Variants in RPS6KC1 observed in about 807,000 individuals in gnomAD.
RPS6KC1 encodes the protein inactive ribosomal protein S6 kinase delta-1.
Under a neutral mutation model 103.8 loss-of-function variants are expected in RPS6KC1, and 54 were observed. That is an observed-to-expected ratio of 0.52 (90% CI 0.42 to 0.65). RPS6KC1 has a LOEUF of 0.65. Ranked by LOEUF, RPS6KC1 falls within the 30% of genes least tolerant of loss-of-function variation. The pLI, the probability that RPS6KC1 is intolerant of heterozygous loss-of-function variation, is 0.00. For synonymous variants in RPS6KC1, 439 were observed against 438.7 expected, an observed-to-expected ratio of 1.00 and a Z score of -0.01; for missense variants, 1,151 against 1,253.8, an observed-to-expected ratio of 0.92 and a Z score of 1.24.
chr1:213,084,093 T>G (rs1423342369), intron 3 of RPS6KC1, among the ~76,000 whole-genome samples: 1 of 152,174 alleles, frequency 6.6e-6, no homozygotes, highest in Non-Finnish European at 1.5e-5. Context: ...TTATCCCATT[T>G]ACTTTATCAT....
chr1:213,232,405 T>C, intron 10 of RPS6KC1, 150 bp downstream of exon 10: 2 of 986,870 alleles, frequency 2.0e-6, no homozygotes, highest in South Asian at 3.1e-5. Flanking sequence ...CTACTTTGAG[T>C]TGTGAGGGAA....
the RPS6KC1 span, among the ~76,000 whole-genome samples, chr1:213,852,503 C>A: frequency 6.6e-6 from 1 of 152,036 alleles, no homozygotes; most frequent in East Asian, 1.9e-4. Context: ...TCTTTTTTTG[C>A]AGTCTGGCAT....
At chr1:213,362,893 G>C in the RPS6KC1 span, among the ~76,000 whole-genome samples, 3 of 152,172 alleles carry the variant, frequency 2.0e-5, no homozygotes, top group Non-Finnish European at 4.4e-5. Context: ...CCTTGGACTT[G>C]AACTGCAACA....
the RPS6KC1 span, among the ~76,000 whole-genome samples, chr1:213,808,661 G>A: frequency 4.2e-3 from 635 of 152,340 alleles, 7 homozygotes; most frequent in African/African-American, 0.014. Flanking sequence ...GGAGTGACCC[G>A]ATTTTCCAGG....
chr1:213,739,818 C>A, the RPS6KC1 span, among the ~76,000 whole-genome samples: 1 of 152,100 alleles, frequency 6.6e-6, no homozygotes, highest in Non-Finnish European at 1.5e-5. Context: ...TTTTAAGGTA[C>A]GCAAAGATTC....
At chr1:213,501,764 A>G in the RPS6KC1 span, among the ~76,000 whole-genome samples, 2 of 152,044 alleles carry the variant, frequency 1.3e-5, no homozygotes, top group Admixed American at 6.6e-5. Flanking sequence ...AAGAAAAATA[A>G]TTGTTGGATT....
the RPS6KC1 span, among the ~76,000 whole-genome samples, chr1:213,708,510 A>T: frequency 6.6e-6 from 1 of 152,112 alleles, no homozygotes; most frequent in Admixed American, 6.5e-5. Context: ...AGATAATTTG[A>T]CTTCCTCTCT....
At chr1:213,804,810 T>G in the RPS6KC1 span, among the ~76,000 whole-genome samples, 8 of 152,200 alleles carry the variant, frequency 5.3e-5, no homozygotes, top group Non-Finnish European at 8.8e-5. Flanking sequence ...ACACATGGGT[T>G]TCTATCCTCA....
chr1:213,212,201 TC>T (rs2093526406), intron 8 of RPS6KC1, among the ~76,000 whole-genome samples: 1 of 152,196 alleles, frequency 6.6e-6, no homozygotes, highest in African/African-American at 2.4e-5. Flanking sequence ...CAGAGTATTT[TC>T]ACTACCCTAA....
chr1:213,592,287 A>G, the RPS6KC1 span, among the ~76,000 whole-genome samples: 3 of 152,258 alleles, frequency 2.0e-5, no homozygotes, highest in East Asian at 5.8e-4. Context: ...ATAGAAATTG[A>G]GGAAGAAATA....
the RPS6KC1 span, among the ~76,000 whole-genome samples, chr1:213,659,350 C>T: frequency 3.3e-5 from 5 of 152,260 alleles, no homozygotes; most frequent in African/African-American, 7.2e-5. Flanking sequence ...TATTCTGATA[C>T]GCTGTCCTAG....
the RPS6KC1 span, among the ~76,000 whole-genome samples, chr1:213,721,027 C>T: frequency 5.3e-5 from 8 of 152,098 alleles, no homozygotes; most frequent in Middle Eastern, 3.2e-3. Flanking sequence ...GTCCTCATAA[C>T]GGTAATAATG....
chr1:213,755,909 G>A, the RPS6KC1 span, among the ~76,000 whole-genome samples: 1 of 152,176 alleles, frequency 6.6e-6, no homozygotes, highest in Admixed American at 6.5e-5. Context: ...CTGGCTTTCT[G>A]GAGTAACAGA....
the RPS6KC1 span, among the ~76,000 whole-genome samples, chr1:213,417,861 T>C: frequency 1.3e-5 from 2 of 152,170 alleles, no homozygotes; most frequent in African/African-American, 4.8e-5. Flanking sequence ...CAACTCAGTG[T>C]TGTTTCCCTG....
the RPS6KC1 span, among the ~76,000 whole-genome samples, chr1:213,330,101 G>A: frequency 1.3e-5 from 2 of 152,210 alleles, no homozygotes; most frequent in African/African-American, 4.8e-5. Context: ...TGGCTCCTTA[G>A]CCATTACTTT....
the RPS6KC1 span, among the ~76,000 whole-genome samples, chr1:213,338,212 A>G: frequency 6.6e-6 from 1 of 152,254 alleles, no homozygotes; most frequent in Non-Finnish European, 1.5e-5. Context: ...TCAAGTCCAA[A>G]CACCTCCAAG....
At chr1:213,198,862 C>A (rs2093049593) in intron 8 of RPS6KC1, among the ~76,000 whole-genome samples, 1 of 152,098 alleles carries the variant, frequency 6.6e-6, no homozygotes, top group Admixed American at 6.5e-5. Context: ...ATTCTATTAC[C>A]AGTTTTTAAA....
chr1:213,068,480 T>G (rs2078540065), intron 1 of RPS6KC1, among the ~76,000 whole-genome samples: 3 of 53,294 alleles, frequency 5.6e-5, no homozygotes, highest in African/African-American at 9.6e-5. Context: ...CAAGACTCTG[T>G]CTCAAAAAAA....
At chr1:213,579,588 C>G in the RPS6KC1 span, among the ~76,000 whole-genome samples, 3 of 152,042 alleles carry the variant, frequency 2.0e-5, no homozygotes, top group Non-Finnish European at 4.4e-5. Context: ...GAAGAAGATG[C>G]CATCTAGGAC....
Sources: allele counts gnomAD v4.1 joint callset (sites outside exome capture counted in the v4.1 genomes callset), GRCh38; gene constraint gnomAD v4.1.1; transcripts MANE v1.5; gene names NCBI Gene and HGNC (gene_info 2026-07-23, HGNC 2026-07-21).